CSMD2: variants seen among roughly 807,000 people sequenced by gnomAD.
CSMD2 encodes CUB and Sushi multiple domains 2.
In CSMD2, 130 loss-of-function variants were observed where a neutral mutation model predicts 398.5. That is an observed-to-expected ratio of 0.33 (90% CI 0.28 to 0.38). The LOEUF (loss-of-function observed/expected upper bound fraction) is 0.38, where lower values mean the gene tolerates loss of function less well. CSMD2 is among the 10% of genes least tolerant of loss of function. CSMD2 has a pLI of 1.00. For missense variants in CSMD2, 3,829 were observed against 4,764.9 expected, an observed-to-expected ratio of 0.80 and a Z score of 5.78; for synonymous variants, 1,828 against 1,908.5, an observed-to-expected ratio of 0.96 and a Z score of 1.10.
intron 7 of CSMD2, among the ~76,000 whole-genome samples, chr1:33,824,001 C>A (rs1444182994): frequency 6.6e-6 from 1 of 152,128 alleles, no homozygotes; most frequent in Non-Finnish European, 1.5e-5. Flanking sequence ...CCTAGGTCAA[C>A]AAGACCCATC....
chr1:34,090,560 G>A (rs1029013866), intron 1 of CSMD2, among the ~76,000 whole-genome samples: 1 of 150,674 alleles, frequency 6.6e-6, no homozygotes, highest in African/African-American at 2.4e-5. Flanking sequence ...CCAACTCAGT[G>A]AATGGAATCA....
chr1:33,555,726 A>AT (rs1412301512), intron 55 of CSMD2, among the ~76,000 whole-genome samples: 5 of 152,182 alleles, frequency 3.3e-5, no homozygotes, highest in African/African-American at 9.7e-5. Flanking sequence ...GATTGTTAGT[A>AT]TTTTTTAGCA....
chr1:33,884,814 G>C (rs1283907467), intron 5 of CSMD2: 1 of 152,174 alleles, frequency 6.6e-6, no homozygotes, highest in African/African-American at 2.4e-5. Context: ...ATATCCTTCA[G>C]GTACTTTCCC....
At chr1:34,025,342 G>A (rs542288689) in intron 3 of CSMD2, among the ~76,000 whole-genome samples, 1 of 152,306 alleles carries the variant, frequency 6.6e-6, no homozygotes, top group South Asian at 2.1e-4. Context: ...GATAGACTAG[G>A]GAGAGAGCAC....
chr1:33,890,643 C>G (rs1456948412), intron 5 of CSMD2, among the ~76,000 whole-genome samples: 1 of 151,912 alleles, frequency 6.6e-6, no homozygotes, highest in East Asian at 1.9e-4. Context: ...TGACTTCAAA[C>G]TATACTACAA....
chr1:33,818,371 C>G (rs992759463), intron 9 of CSMD2, among the ~76,000 whole-genome samples: 1 of 152,180 alleles, frequency 6.6e-6, no homozygotes, highest in African/African-American at 2.4e-5. Flanking sequence ...GAAGTCCTTG[C>G]CCTATAGAGC....
At chr1:34,050,263 TAGAAGG>T (rs983839330) in intron 2 of CSMD2, among the ~76,000 whole-genome samples, 16 of 152,212 alleles carry the variant, frequency 1.1e-4, no homozygotes, top group African/African-American at 3.6e-4. Flanking sequence ...GCTTCCATTG[TAGAAGG>T]AGAAGTGTTT....
At chr1:33,655,288 T>C (rs1643913859) in intron 27 of CSMD2, among the ~76,000 whole-genome samples, 1 of 152,348 alleles carries the variant, frequency 6.6e-6, no homozygotes, top group African/African-American at 2.4e-5. Context: ...GGGCCAGCTG[T>C]CCACCCCTCT....
intron 1 of CSMD2, among the ~76,000 whole-genome samples, chr1:34,108,527 G>T (rs533957719): frequency 6.6e-6 from 1 of 152,192 alleles, no homozygotes; most frequent in Non-Finnish European, 1.5e-5. Flanking sequence ...GTCCGGAACC[G>T]TAAATGTCCT....
intron 12 of CSMD2, among the ~76,000 whole-genome samples, chr1:33,778,383 T>G (rs1239119171): frequency 1.3e-5 from 2 of 152,074 alleles, no homozygotes; most frequent in Non-Finnish European, 2.9e-5. Context: ...CAACAAGTAT[T>G]TTACTGGTTA....
At chr1:33,830,917 G>A (rs1659471625) in intron 6 of CSMD2, among the ~76,000 whole-genome samples, 1 of 152,192 alleles carries the variant, frequency 6.6e-6, no homozygotes, top group African/African-American at 2.4e-5. Context: ...ATCAGTGATG[G>A]AAGATCAAAT....
chr1:33,819,405 G>C (rs1300601985), intron 9 of CSMD2, among the ~76,000 whole-genome samples: 1 of 152,208 alleles, frequency 6.6e-6, no homozygotes, highest in African/African-American at 2.4e-5. Flanking sequence ...TCTAGGTGTG[G>C]TTCAGTATCC....
chr1:33,926,770 T>G (rs1232145726), intron 4 of CSMD2, among the ~76,000 whole-genome samples: 2 of 152,244 alleles, frequency 1.3e-5, no homozygotes, highest in African/African-American at 4.8e-5. Context: ...TGCTGATAGT[T>G]GCCTTTCCAA....
At chr1:33,887,772 T>C (rs989116857) in intron 5 of CSMD2, among the ~76,000 whole-genome samples, 1 of 151,938 alleles carries the variant, frequency 6.6e-6, no homozygotes, top group Admixed American at 6.6e-5. Flanking sequence ...GCAGTAGTCA[T>C]ATAAGAAGCC....
At chr1:33,809,139 C>T (rs2124954807) in intron 10 of CSMD2, among the ~76,000 whole-genome samples, 1 of 151,948 alleles carries the variant, frequency 6.6e-6, no homozygotes, top group Admixed American at 6.5e-5. Context: ...CACTAATAAC[C>T]CCAAAGGATA....
chr1:34,113,005 C>T (rs1661241787), intron 1 of CSMD2: 2 of 152,192 alleles, frequency 1.3e-5, no homozygotes, highest in South Asian at 4.2e-4. Flanking sequence ...GGAAGCTAAG[C>T]AGGTTCAGGC....
rs535774354 is a variant in CSMD2 at position 33,661,751 on chromosome 1, A to C, written c.4255+1139T>G. 7.1e-4 allele frequency among the ~76,000 whole-genome samples: 108 copies of C among 152,310 alleles called. 2 individuals carry two copies. Among genetic ancestry groups the C allele is most frequent in the African/African-American group, 2.5e-3 (105 of 41,562 alleles). ...CTGCTAAATGCTTATTTCCACAGAG[A>C]TGACAGACGTAGCAGAAAAGAGCTA... On this transcript the variant is annotated intron_variant, in intron 26 of 70. Transcript: ENST00000373381.
In CSMD2 at chr1:33,567,797, C is replaced by T. The variant is rs758923333; in HGVS notation, c.8176G>A (p.Asp2726Asn). Residue 2726 changes from aspartate to asparagine, a missense_variant, in exon 53 of 71, where the codon GAT becomes AAT. Asp to Asn is a conservative substitution (Grantham distance 23, BLOSUM62 1). Transcript: ENST00000373381. ...GTGAGGGATGGGGAAGAGAGTACAT[C>T]GAAGAGGAGCTTATAGAAAATGGAG... The part of the protein sequence containing the change: ...LHSIFYKLLF[D>N]VLSSPSLTKA... 7.5e-6 allele frequency: 12 copies of T among 1,609,484 alleles called. No individual in the cohort carries two copies. Among genetic ancestry groups the T allele is most frequent in the African/African-American group, 5.4e-5 (4 of 74,746 alleles).
chr1:33,625,881 G>T (rs765242472), intron 33 of CSMD2, among the ~76,000 whole-genome samples: 14 of 152,188 alleles, frequency 9.2e-5, no homozygotes, highest in Non-Finnish European at 2.1e-4. Context: ...TGAAAACCAG[G>T]ATGCTCCAAA....
Sources: gnomAD v4.1 joint callset for allele counts (sites outside exome capture counted in the v4.1 genomes callset) on GRCh38, gnomAD v4.1.1 for gene constraint, MANE v1.5 for transcripts, NCBI Gene and HGNC (gene_info 2026-07-23, HGNC 2026-07-21) for gene names.